UBTD2: variants seen among roughly 807,000 people sequenced by gnomAD.
UBTD2 encodes ubiquitin domain containing 2.
In UBTD2, 9 loss-of-function variants were observed where a neutral mutation model predicts 19.8. That is an observed-to-expected ratio of 0.46 (90% CI 0.27 to 0.79). The LOEUF (loss-of-function observed/expected upper bound fraction) is 0.79. UBTD2 is among the 30% of genes least tolerant of loss of function. The pLI is 0.14. For synonymous variants in UBTD2, 98 were observed against 103.9 expected (o/e 0.94, Z 0.35); for missense variants, 250 against 300.4 (o/e 0.83, Z 1.24).
At chr5:172,218,775 C>CAAAAAAAAAAA in intron 2 of UBTD2, among the ~76,000 whole-genome samples, 1 of 50,472 alleles carries the variant, frequency 2.0e-5, no homozygotes, top group African/African-American at 7.1e-5. Context: ...ACCCTGTCAC[C>CAAAAAAAAAAA]AAAAAAAAAA....
At chr5:172,260,208 A>T (rs999642860) in intron 1 of UBTD2, among the ~76,000 whole-genome samples, 3 of 152,078 alleles carry the variant, frequency 2.0e-5, no homozygotes, top group African/African-American at 7.2e-5. Context: ...TATACTTTCT[A>T]CTTACTATTA....
At chr5:172,273,653 T>C (rs986869882) in intron 1 of UBTD2, among the ~76,000 whole-genome samples, 10 of 139,688 alleles carry the variant, frequency 7.2e-5, no homozygotes, top group Admixed American at 5.7e-4. Context: ...CCTTTATTGA[T>C]AGAAAATTGA....
chr5:172,221,194 G>A (rs1212427084), intron 2 of UBTD2, among the ~76,000 whole-genome samples: 3 of 152,172 alleles, frequency 2.0e-5, no homozygotes, highest in African/African-American at 7.2e-5. Context: ...TAGATTTGAT[G>A]CAAATCCCAA....
At chr5:172,245,711 C>G (rs78337261) in intron 1 of UBTD2, among the ~76,000 whole-genome samples, 1 of 132,220 alleles carries the variant, frequency 7.6e-6, no homozygotes, top group Non-Finnish European at 1.6e-5. Context: ...GACACTGACT[C>G]AAAAAAAAAA....
intron 2 of UBTD2, among the ~76,000 whole-genome samples, chr5:172,229,455 T>G (rs993142291): frequency 6.9e-6 from 1 of 144,174 alleles, no homozygotes; most frequent in African/African-American, 2.6e-5. Flanking sequence ...GAGCCGAGAT[T>G]GTGCCACTGC....
chr5:172,243,039 T>A (rs1772162352), intron 1 of UBTD2, among the ~76,000 whole-genome samples: 1 of 152,018 alleles, frequency 6.6e-6, no homozygotes, highest in African/African-American at 2.4e-5. Context: ...CGTTACCGAA[T>A]CTGGTCTCAA....
chr5:172,250,130 GGA>G (rs1413613963), intron 1 of UBTD2, among the ~76,000 whole-genome samples: 60 of 152,264 alleles, frequency 3.9e-4, no homozygotes, highest in African/African-American at 1.4e-3. Flanking sequence ...GGCTGAGGCA[GGA>G]GAGTCACTTG....
chr5:172,274,323 C>T (rs13356548), intron 1 of UBTD2, among the ~76,000 whole-genome samples: 48,828 of 151,080 alleles, frequency 0.32, 7,962 homozygotes, highest in South Asian at 0.42. Flanking sequence ...GTATTTTTAG[C>T]AGAGACAGGC....
chr5:172,212,019 G>A lies in UBTD2; in HGVS notation c.516C>T (p.Asp172=). The change falls in exon 3 of 3, where the codon GAC becomes GAT. Residue 172 remains aspartate, a synonymous_variant. Transcript: ENST00000393792. The part of the protein sequence containing the change: ...KDLKLVVRST[D]TVFHMKRRLH... ...ACCGTCTCTTCATGTGGAATACTGT[G>A]TCTGTGCTGCGAACCACAAGCTTGA... 1 of 1,614,226 alleles carries A rather than the reference G, an allele frequency of 6.2e-7. No homozygotes were observed. The highest frequency in any genetic ancestry group is 1.1e-5 in the South Asian group (1 of 91,082).
chr5:172,232,092 G>A (rs188448166), intron 2 of UBTD2, among the ~76,000 whole-genome samples: 4 of 152,088 alleles, frequency 2.6e-5, no homozygotes, highest in East Asian at 1.9e-4. Context: ...CCAACATGGC[G>A]AAACCCTGTC....
chr5:172,239,067 T>C (rs758521769), intron 1 of UBTD2, among the ~76,000 whole-genome samples: 8 of 148,732 alleles, frequency 5.4e-5, no homozygotes, highest in Non-Finnish European at 8.9e-5. Context: ...ATATTCCCTT[T>C]ACCTAAAGCA....
chr5:172,249,377 T>G (rs1481747317), intron 1 of UBTD2, among the ~76,000 whole-genome samples: 6 of 120,136 alleles, frequency 5.0e-5, no homozygotes, highest in African/African-American at 6.5e-5. Flanking sequence ...CCAGCCTAGG[T>G]GACAGAGCAA....
chr5:172,247,809 T>C (rs185269945), intron 1 of UBTD2, among the ~76,000 whole-genome samples: 2 of 152,196 alleles, frequency 1.3e-5, no homozygotes, highest in Non-Finnish European at 2.9e-5. Flanking sequence ...AACTGGAGAC[T>C]TGAACACTAT....
At chr5:172,277,310 ATCTAT>A (rs1176043390) in intron 1 of UBTD2, among the ~76,000 whole-genome samples, 5 of 152,158 alleles carry the variant, frequency 3.3e-5, no homozygotes, top group African/African-American at 1.2e-4. Flanking sequence ...TTGGCTATAG[ATCTAT>A]TCTGTATACA....
intron 1 of UBTD2, among the ~76,000 whole-genome samples, chr5:172,248,766 A>C (rs1221271166): frequency 6.6e-6 from 1 of 151,704 alleles, no homozygotes; most frequent in Non-Finnish European, 1.5e-5. Context: ...TGTCTCAAAA[A>C]AAAAAAAAAA....
chr5:172,259,325 TAG>T (rs1266100744), intron 1 of UBTD2, among the ~76,000 whole-genome samples: 2 of 152,008 alleles, frequency 1.3e-5, no homozygotes, highest in Non-Finnish European at 2.9e-5. Flanking sequence ...GTATTTTTGG[TAG>T]AGACAGGGTT....
intron 2 of UBTD2, among the ~76,000 whole-genome samples, chr5:172,221,431 G>GT (rs1771648683): frequency 6.6e-6 from 1 of 152,190 alleles, no homozygotes; most frequent in African/African-American, 2.4e-5. Context: ...GAGCCCAGCA[G>GT]TTTGAGGCTG....
At chr5:172,227,726 CAG>C (rs1318486251) in intron 2 of UBTD2, among the ~76,000 whole-genome samples, 13 of 99,142 alleles carry the variant, frequency 1.3e-4, no homozygotes, top group East Asian at 3.7e-4. Context: ...TTTTTTGAGA[CAG>C]AGTCTTGCTC....
chr5:172,274,909 G>A (rs572648009), intron 1 of UBTD2, among the ~76,000 whole-genome samples: 8 of 152,220 alleles, frequency 5.3e-5, no homozygotes, highest in East Asian at 1.9e-4. Context: ...GGTGGCGGGC[G>A]CCTGTAGTCC....
Sources: allele counts gnomAD v4.1 joint callset (sites outside exome capture counted in the v4.1 genomes callset), GRCh38; gene constraint gnomAD v4.1.1; transcripts MANE v1.5; gene names NCBI Gene and HGNC (gene_info 2026-07-23, HGNC 2026-07-21).